Variants in ATP2C1 observed in about 807,000 individuals in gnomAD.
ATP2C1 encodes the protein calcium-transporting ATPase type 2C member 1.
ATP2C1 carries 31 observed loss-of-function variants against 120.5 expected under a neutral mutation model. The observed-to-expected ratio is 0.26, with a 90% CI of 0.19 to 0.35. The LOEUF (loss-of-function observed/expected upper bound fraction) is 0.35, where lower values mean the gene tolerates loss of function less well. Among genes scored for constraint, ATP2C1 ranks in the 10% least tolerant of loss-of-function variants. The pLI is 1.00. For synonymous variants in ATP2C1, 351 were observed against 358.7 expected (o/e 0.98, Z 0.24); for missense variants, 731 against 1,107.5 (o/e 0.66, Z 4.83).
At chr3:130,959,761 T>G (rs2060740927) in intron 12 of ATP2C1, among the ~76,000 whole-genome samples, 1 of 151,958 alleles carries the variant, frequency 6.6e-6, no homozygotes, top group Non-Finnish European at 1.5e-5. Context: ...ACTGCATCCA[T>G]GAGATAAATT....
chr3:130,863,239 T>A (rs1017431810), intron 1 of ATP2C1, among the ~76,000 whole-genome samples: 13 of 152,336 alleles, frequency 8.5e-5, no homozygotes, highest in Non-Finnish European at 1.9e-4. Context: ...GTATATTTTA[T>A]AAATAATATG....
chr3:130,931,198 GT>G (rs1050964087), intron 3 of ATP2C1, among the ~76,000 whole-genome samples: 1 of 151,852 alleles, frequency 6.6e-6, no homozygotes, highest in Non-Finnish European at 1.5e-5. Flanking sequence ...TAATATGTTT[GT>G]TTTGAAAGGC....
chr3:130,940,905 ATTT>A (rs749879416), intron 7 of ATP2C1, among the ~76,000 whole-genome samples: 1 of 86,072 alleles, frequency 1.2e-5, no homozygotes. Flanking sequence ...TATTTAACAG[ATTT>A]TTTTTTTTTT....
At chr3:130,971,714 C>A (rs1317211821) in intron 17 of ATP2C1, among the ~76,000 whole-genome samples, 5 of 152,068 alleles carry the variant, frequency 3.3e-5, no homozygotes, top group African/African-American at 1.2e-4. Flanking sequence ...GAATAAGGAA[C>A]CAATAGAACT....
rs192523100 is a variant in ATP2C1 at position 130,971,941 on chromosome 3, T to C, written c.1413+2545T>C. On this transcript the variant is annotated intron_variant, in intron 17 of 27. Transcript: ENST00000510168. ...CATGAAGGCTGGCATCTCCCTACTG[T>C]CATTCCCTAAGTAAGAAGATTCAAG... Among the ~76,000 whole-genome samples, 5 of 152,308 alleles carry C rather than the reference T, an allele frequency of 3.3e-5. No homozygotes were observed. In the East Asian group the frequency reaches 9.6e-4, roughly 29 times the overall value.
chr3:130,988,158 A>G (rs751884853), intron 20 of ATP2C1, among the ~76,000 whole-genome samples: 1 of 152,158 alleles, frequency 6.6e-6, no homozygotes, highest in Non-Finnish European at 1.5e-5. Context: ...TCAGTGCATT[A>G]GTTTTCTTTA....
At chr3:130,898,306 T>C (rs569064169) in intron 2 of ATP2C1, among the ~76,000 whole-genome samples, 13 of 152,304 alleles carry the variant, frequency 8.5e-5, no homozygotes, top group African/African-American at 3.1e-4. Context: ...ACTTTACTTT[T>C]AAAAGCAGTT....
intron 2 of ATP2C1, chr3:130,918,541 C>T: frequency 1.3e-6 from 1 of 749,348 alleles, no homozygotes; most frequent in South Asian, 1.4e-5. Flanking sequence ...TGCCCAGGCT[C>T]TCACCACGGT....
At chr3:130,938,238 T>C (rs1012022435) in intron 6 of ATP2C1, among the ~76,000 whole-genome samples, 1 of 152,260 alleles carries the variant, frequency 6.6e-6, no homozygotes. Flanking sequence ...CTTAGTTTTA[T>C]GTTTATTTAA....
At chr3:130,880,399 T>C (rs1559879055) in intron 1 of ATP2C1, among the ~76,000 whole-genome samples, 1 of 152,172 alleles carries the variant, frequency 6.6e-6, no homozygotes, top group Non-Finnish European at 1.5e-5. Flanking sequence ...TCCTCATTTT[T>C]CCAATTCGCC....
chr3:130,938,109 A>G (rs1448781377), intron 6 of ATP2C1, among the ~76,000 whole-genome samples: 1 of 152,248 alleles, frequency 6.6e-6, no homozygotes. Context: ...ATCTGAATCA[A>G]AGTAATTCAA....
chr3:130,928,929 A>T (rs2059334220), intron 2 of ATP2C1, among the ~76,000 whole-genome samples: 1 of 152,130 alleles, frequency 6.6e-6, no homozygotes, highest in Non-Finnish European at 1.5e-5. Flanking sequence ...ATCTTCTCCA[A>T]TGTTTTACTT....
intron 2 of ATP2C1, among the ~76,000 whole-genome samples, chr3:130,915,155 G>A (rs1290338184): frequency 5.9e-5 from 9 of 151,586 alleles, no homozygotes; most frequent in Admixed American, 2.6e-4. Flanking sequence ...GTGCAATGGC[G>A]TGATCTTGGC....
At chr3:130,918,181 G>A in intron 2 of ATP2C1, 1 of 1,087,574 alleles carries the variant, frequency 9.2e-7, no homozygotes, top group East Asian at 2.4e-5. Context: ...ATTATGAAGA[G>A]ATTCTCAGTG....
At chr3:130,867,195 A>G (rs1011783700) in intron 1 of ATP2C1, among the ~76,000 whole-genome samples, 20 of 152,200 alleles carry the variant, frequency 1.3e-4, no homozygotes, top group Non-Finnish European at 2.9e-5. Flanking sequence ...ACACAATAGT[A>G]CTGAAAGTAG....
chr3:130,866,341 C>T (rs1189089738), intron 1 of ATP2C1, among the ~76,000 whole-genome samples: 1 of 152,102 alleles, frequency 6.6e-6, no homozygotes, highest in African/African-American at 2.4e-5. Context: ...ATTTTTAGAG[C>T]CTCTGAAATG....
At chr3:130,868,268 G>C (rs1438403335) in intron 1 of ATP2C1, 1 of 141,030 alleles carries the variant, frequency 7.1e-6, no homozygotes, top group East Asian at 3.0e-4. Context: ...CCCCCCGCCC[G>C]GCCAGCTGCC....
At chr3:130,941,753 G>GA in intron 8 of ATP2C1, 54 bp downstream of exon 8, 4 of 1,344,972 alleles carry the variant, frequency 3.0e-6, no homozygotes, top group Non-Finnish European at 4.3e-6. Context: ...TAGATTAAAG[G>GA]ATAAACATTA....
At chr3:130,972,009 A>G (rs1164065978) in intron 17 of ATP2C1, among the ~76,000 whole-genome samples, 2 of 152,230 alleles carry the variant, frequency 1.3e-5, no homozygotes, top group Non-Finnish European at 2.9e-5. Flanking sequence ...AGTGGTCCCC[A>G]GCCTTTTTGG....
Sources: allele counts gnomAD v4.1 joint callset (sites outside exome capture counted in the v4.1 genomes callset), GRCh38; gene constraint gnomAD v4.1.1; transcripts MANE v1.5; gene names NCBI Gene and HGNC (gene_info 2026-07-23, HGNC 2026-07-21).